Variants in PLEKHD1 observed in about 807,000 individuals in gnomAD.
The protein encoded by PLEKHD1 is pleckstrin homology domain-containing family D member 1.
PLEKHD1 carries 51 observed loss-of-function variants against 69.2 expected under a neutral mutation model. That is an observed-to-expected ratio of 0.74 (90% confidence interval 0.59 to 0.93). The LOEUF (loss-of-function observed/expected upper bound fraction) is 0.93, where lower values mean the gene tolerates loss of function less well. Ranked by LOEUF, PLEKHD1 falls within the 40% of genes least tolerant of loss-of-function variation. PLEKHD1 has a pLI of 0.00. For synonymous variants in PLEKHD1, 236 were observed against 244.7 expected, an observed-to-expected ratio of 0.96 and a Z score of 0.33; for missense variants, 584 against 641.0, an observed-to-expected ratio of 0.91 and a Z score of 0.96.
rs1212704807 is a variant in PLEKHD1 at position 69,528,326 on chromosome 14, G to A, written c.1428G>A (p.Arg476=). The part of the protein sequence containing the change: ...NMEELKEVAK[R]LSRDQRFRES... The stretch of plus-strand genomic sequence containing the variant: ...AGGAGCTAAAGGAGGTGGCCAAGCG[G>A]CTCAGCAGGGACCAGCGCTTCCGGG... Residue 476 remains arginine (R), a synonymous_variant, in exon 13 of 13, where the codon CGG becomes CGA. Transcript: ENST00000322564. 6.4e-7 allele frequency: 1 copy of A among 1,551,740 alleles called. No individual in the cohort carries two copies. Among genetic ancestry groups the A allele is most frequent in the Non-Finnish European group, 8.7e-7 (1 of 1,146,994 alleles).
intron 6 of PLEKHD1, among the ~76,000 whole-genome samples, chr14:69,513,391 G>GGAA (rs1158768555): frequency 1.3e-5 from 2 of 152,058 alleles, no homozygotes; most frequent in African/African-American, 4.8e-5. Flanking sequence ...AGACAAAAAA[G>GGAA]GTAAAGTGAC....
At chr14:69,509,299 T>C (rs1364160907) in intron 6 of PLEKHD1, among the ~76,000 whole-genome samples, 1 of 152,244 alleles carries the variant, frequency 6.6e-6, no homozygotes, top group Non-Finnish European at 1.5e-5. Flanking sequence ...TTCTCCTAGT[T>C]TGTGACTTGT....
rs1883741574 is a variant in PLEKHD1 at position 69,529,392 on chromosome 14, AT to A, written c.*974del. 6.6e-6 allele frequency: 1 copy of A among 152,226 alleles called. No individual in the cohort carries two copies. The highest frequency in any genetic ancestry group is 2.1e-4 in the South Asian group (1 of 4,800). 9.4% of individuals were successfully genotyped at this position (152,226 alleles called of 1,614,324 possible). A position where few individuals can be genotyped will look rare whatever the true frequency, so the allele number is the denominator to read the frequency against. On this transcript the variant is annotated 3_prime_UTR_variant, in exon 13 of 13. Coordinates refer to ENST00000322564, the MANE Select transcript of PLEKHD1 (RefSeq NM_001161498.2). The stretch of plus-strand genomic sequence containing the variant: ...CCTGTCTCTACAAAAAATAAAAAAA[AT>A]AAAATAAATAGCTGGGCATGGTGGT...
rs1164430200 is a variant in PLEKHD1 at position 69,528,363 on chromosome 14, C to CA, written c.1466dup (p.His489GlnfsTer98). ...CCAGCGCTTCCGGGAATCCATCTAC[C>CA]ACATCATGGCCACCCAGCCTGGAGC... On this transcript the variant is annotated frameshift_variant, in exon 13 of 13. Coordinates refer to ENST00000322564, the MANE Select transcript of PLEKHD1 (RefSeq NM_001161498.2). LOFTEE classifies it high-confidence loss of function. The CA allele has an allele frequency of 5.8e-6, 9 of 1,551,520 alleles. No homozygotes were observed. Among genetic ancestry groups the CA allele is most frequent in the Non-Finnish European group, 7.8e-6 (9 of 1,146,986 alleles).
intron 1 of PLEKHD1, among the ~76,000 whole-genome samples, chr14:69,489,572 A>G (rs1490100454): frequency 3.7e-4 from 56 of 149,610 alleles, no homozygotes; most frequent in African/African-American, 1.1e-3. Flanking sequence ...AAAAAAAAAA[A>G]AAAAAAAAAG....
At chr14:69,471,123 T>TC in the PLEKHD1 span, among the ~76,000 whole-genome samples, 8 of 103,342 alleles carry the variant, frequency 7.7e-5, no homozygotes, top group Non-Finnish European at 1.4e-4. Context: ...TTTTTTTTTT[T>TC]TGAGACAGGG....
intron 1 of PLEKHD1, among the ~76,000 whole-genome samples, chr14:69,498,027 A>G (rs930053061): frequency 6.9e-6 from 1 of 144,334 alleles, no homozygotes; most frequent in Non-Finnish European, 1.5e-5. Flanking sequence ...TTTCTATTTT[A>G]TTTTGTTTTA....
At chr14:69,499,194 C>T (rs1047976922) in intron 1 of PLEKHD1, among the ~76,000 whole-genome samples, 1 of 151,774 alleles carries the variant, frequency 6.6e-6, no homozygotes, top group Non-Finnish European at 1.5e-5. Flanking sequence ...CTCCAACTCT[C>T]CCTGCATGTA....
At chr14:69,524,012 C>A (rs4902727) in intron 7 of PLEKHD1, among the ~76,000 whole-genome samples, 1 of 151,976 alleles carries the variant, frequency 6.6e-6, no homozygotes, top group Non-Finnish European at 1.5e-5. Flanking sequence ...GCATGTGTAC[C>A]TGGAGCAAGT....
intron 6 of PLEKHD1, among the ~76,000 whole-genome samples, chr14:69,518,875 G>C (rs1349378458): frequency 1.3e-5 from 2 of 152,184 alleles, no homozygotes; most frequent in African/African-American, 2.4e-5. Context: ...TGCTTGAGCA[G>C]CCCAGAGTGG....
intron 6 of PLEKHD1, among the ~76,000 whole-genome samples, chr14:69,509,619 A>G (rs1883225744): frequency 6.6e-6 from 1 of 151,664 alleles, no homozygotes; most frequent in South Asian, 2.1e-4. Flanking sequence ...GTGGCTGTCC[A>G]GTTGTTCAAG....
chr14:69,482,508 C>G (rs558701493), upstream of PLEKHD1, among the ~76,000 whole-genome samples: 1 of 152,190 alleles, frequency 6.6e-6, no homozygotes, highest in African/African-American at 2.4e-5. Flanking sequence ...GCTGCAGCTG[C>G]CCCTGAGTTC....
rs1039493788 is a variant in PLEKHD1, at chr14:69,524,119, C to T, written c.651-110C>T. 16 of 837,068 alleles carry T rather than the reference C, an allele frequency of 1.9e-5. No homozygotes were observed. The African/African-American group carries it at 2.7e-4, about 14-fold the overall frequency. 51.9% of individuals were successfully genotyped at this position (837,068 alleles called of 1,614,324 possible). ...TGCAGAGGGGCTGGCCATTCAAGAGCCCTCCTGAGCCCCATCAGGAAGTGA... is the reference window on the plus strand; with the variant it reads ...TGCAGAGGGGCTGGCCATTCAAGAGTCCTCCTGAGCCCCATCAGGAAGTGA... On this transcript the variant is annotated intron_variant, in intron 7 of 12. Transcript: ENST00000322564.
the PLEKHD1 span, among the ~76,000 whole-genome samples, chr14:69,476,317 C>T: frequency 0.024 from 3,662 of 149,776 alleles, 70 homozygotes; most frequent in Non-Finnish European, 0.034. Flanking sequence ...TGCCTGTAAT[C>T]CCAGCAACAG....
chr14:69,500,750 T>A (rs562450212), intron 3 of PLEKHD1, 84 bp downstream of exon 3: 3 of 1,517,930 alleles, frequency 2.0e-6, no homozygotes, highest in African/African-American at 2.8e-5. Context: ...TCCCATGTCC[T>A]GGCCTGGGAG....
In PLEKHD1 at chr14:69,506,119, A is replaced by G. The variant is rs1221263271; in HGVS notation, c.555+3240A>G. 3.3e-5 allele frequency among the ~76,000 whole-genome samples: 5 copies of G among 152,244 alleles called. No individual in the cohort carries two copies. In the East Asian group the frequency reaches 9.6e-4, roughly 29 times the overall value. On this transcript the variant is annotated intron_variant, in intron 6 of 12. Coordinates refer to ENST00000322564, the MANE Select transcript of PLEKHD1 (RefSeq NM_001161498.2). ...CCACTACAACTGAAGCTCTTTGTCAACCTTTTTGGTGGACATTGTTCCTGG... is the reference window on the plus strand; with the variant it reads ...CCACTACAACTGAAGCTCTTTGTCAGCCTTTTTGGTGGACATTGTTCCTGG...
the PLEKHD1 span, among the ~76,000 whole-genome samples, chr14:69,475,663 C>T: frequency 1.3e-5 from 2 of 152,156 alleles, no homozygotes; most frequent in African/African-American, 4.8e-5. Context: ...GCTGTGCTTC[C>T]CCGCAAGTGA....
intron 1 of PLEKHD1, among the ~76,000 whole-genome samples, chr14:69,494,143 T>C (rs779538917): frequency 2.6e-5 from 4 of 152,236 alleles, no homozygotes; most frequent in Non-Finnish European, 5.9e-5. Context: ...AGTAATCATT[T>C]ATTAAATATT....
Position 69,507,944 on chromosome 14 carries a change from C to A in PLEKHD1, c.555+5065C>A, listed in dbSNP as rs371216871. On this transcript the variant is annotated intron_variant, in intron 6 of 12. Transcript: ENST00000322564. ...AACTCCTGAGATCAAGTGATCTCCCCTCTTGGCCTCCTAAAGTGCTGGGAT... is the reference window on the plus strand; with the variant it reads ...AACTCCTGAGATCAAGTGATCTCCCATCTTGGCCTCCTAAAGTGCTGGGAT... Among the ~76,000 whole-genome samples, 3 of 152,062 alleles carry A rather than the reference C, an allele frequency of 2.0e-5. No individual in the cohort carries two copies. In the East Asian group the frequency reaches 5.8e-4, roughly 29 times the overall value.
Sources: allele counts gnomAD v4.1 joint callset (sites outside exome capture counted in the v4.1 genomes callset), GRCh38; gene constraint gnomAD v4.1.1; transcripts MANE v1.5; gene names NCBI Gene and HGNC (gene_info 2026-07-23, HGNC 2026-07-21).